Variants in GLRA3 observed in about 807,000 individuals in gnomAD.
The protein encoded by GLRA3 is glycine receptor subunit alpha-3.
Under a neutral mutation model 60.4 loss-of-function variants are expected in GLRA3, and 44 were observed. The observed-to-expected ratio is 0.73, with a 90% CI of 0.57 to 0.94. The LOEUF is 0.94. Among genes scored for constraint, GLRA3 ranks in the 40% least tolerant of loss-of-function variants. The pLI, the probability that GLRA3 is intolerant of heterozygous loss-of-function variation, is 0.00. For missense variants in GLRA3, 508 were observed against 564.6 expected (o/e 0.90, Z 1.02); for synonymous variants, 223 against 192.9 (o/e 1.16, Z -1.29).
chr4:174,659,116 C>A lies in GLRA3; in HGVS notation c.1009G>T (p.Val337Leu), dbSNP rs771794578. The stretch of plus-strand genomic sequence containing the variant: ...TTGTGTTGTCTTGATACAAAATTTA[C>A]AGCTGCATACTCCAGAAGTGCTGAA... ...VFSALLEYAA[V>L]NFVSRQHKEL... Residue 337 changes from valine to leucine, a missense_variant, in exon 8 of 10, where the codon GTA becomes TTA. Physicochemically the swap from Val to Leu is conservative, Grantham distance 32. Around this residue, in one of 3 missense-constraint regions of GLRA3, gnomAD observed 176 missense variants for 197.9 expected, o/e 0.89. Transcript: ENST00000274093. 6.2e-7 allele frequency: 1 copy of A among 1,612,222 alleles called. No individual in the cohort carries two copies. The highest frequency in any genetic ancestry group is 8.5e-7 in the Non-Finnish European group (1 of 1,178,510).
intron 1 of GLRA3, among the ~76,000 whole-genome samples, chr4:174,823,025 T>C (rs1740805617): frequency 6.6e-6 from 1 of 152,214 alleles, no homozygotes; most frequent in African/African-American, 2.4e-5. Flanking sequence ...TGTGTGTTGT[T>C]GCCATGCAGT....
chr4:174,766,721 T>C lies in GLRA3; in HGVS notation c.267+242A>G, dbSNP rs182709699. Among the ~76,000 whole-genome samples, 3 of 152,170 alleles carry C rather than the reference T, an allele frequency of 2.0e-5. No individual in the cohort carries two copies. The East Asian group carries it at 5.8e-4, about 29-fold the overall frequency. ...TGACATTTTAGCTTTTAATTTGAAG[T>C]TTAATATTAGATTGTTGAATGGAGA... On this transcript the variant is annotated intron_variant, in intron 3 of 9. Coordinates refer to ENST00000274093, the MANE Select transcript of GLRA3 (RefSeq NM_006529.4).
At chr4:174,731,262 A>C (rs1355272260) in intron 3 of GLRA3, among the ~76,000 whole-genome samples, 1 of 152,228 alleles carries the variant, frequency 6.6e-6, no homozygotes, top group Non-Finnish European at 1.5e-5. Context: ...TAGCCACAGT[A>C]TCCCATTATA....
chr4:174,795,628 G>A (rs902189511), intron 1 of GLRA3, among the ~76,000 whole-genome samples: 1 of 152,110 alleles, frequency 6.6e-6, no homozygotes, highest in African/African-American at 2.4e-5. Context: ...TATTTATTAT[G>A]TAAAAGTATC....
intron 5 of GLRA3, among the ~76,000 whole-genome samples, chr4:174,686,200 A>G (rs1344777843): frequency 6.6e-6 from 1 of 152,234 alleles, no homozygotes; most frequent in Non-Finnish European, 1.5e-5. Context: ...CTGGTTGTTA[A>G]TGATAACAAC....
At chr4:174,706,187 G>A (rs1414834872) in intron 5 of GLRA3, among the ~76,000 whole-genome samples, 7 of 151,598 alleles carry the variant, frequency 4.6e-5, no homozygotes, top group Non-Finnish European at 8.8e-5. Flanking sequence ...CCGAGTTCAC[G>A]CCACTGCACT....
chr4:174,646,156 A>C (rs1292868464), intron 9 of GLRA3, among the ~76,000 whole-genome samples: 2 of 152,354 alleles, frequency 1.3e-5, no homozygotes, highest in Middle Eastern at 3.4e-3. Context: ...ATTCATTATC[A>C]AAATGCTCAG....
chr4:174,806,804 G>C (rs1224080526), intron 1 of GLRA3, among the ~76,000 whole-genome samples: 2 of 151,850 alleles, frequency 1.3e-5, no homozygotes, highest in Admixed American at 6.6e-5. Context: ...ATATGTATCT[G>C]TATATATTTC....
At chr4:174,655,718 G>A (rs2110877310) in intron 9 of GLRA3, among the ~76,000 whole-genome samples, 1 of 152,134 alleles carries the variant, frequency 6.6e-6, no homozygotes, top group Non-Finnish European at 1.5e-5. Context: ...AAAGCAAGTG[G>A]ATCATGTGAA....
At chr4:174,751,460 C>T (rs569266379) in intron 3 of GLRA3, among the ~76,000 whole-genome samples, 114 of 152,090 alleles carry the variant, frequency 7.5e-4, no homozygotes, top group Middle Eastern at 3.4e-3. Flanking sequence ...AATTAGTACA[C>T]GTGTTTGTGT....
At chr4:174,786,055 C>T (rs945876919) in intron 2 of GLRA3, among the ~76,000 whole-genome samples, 7 of 150,454 alleles carry the variant, frequency 4.7e-5, no homozygotes, top group Admixed American at 4.0e-4. Flanking sequence ...AGGCATGAGA[C>T]CCATTCTTCT....
At chr4:174,767,085 C>T (rs1272565207) in intron 2 of GLRA3, 55 bp from the exon 3 acceptor site, 6 of 857,864 alleles carry the variant, frequency 7.0e-6, no homozygotes, top group Non-Finnish European at 1.2e-5. Flanking sequence ...AAAACATTTT[C>T]AAATAATTCC....
At chr4:174,706,216 C>A (rs914833492) in intron 5 of GLRA3, among the ~76,000 whole-genome samples, 2 of 148,344 alleles carry the variant, frequency 1.3e-5, no homozygotes, top group East Asian at 2.0e-4. Context: ...GGCGAAAGGG[C>A]GAGACTCCGT....
At chr4:174,797,634 AATAAG>A (rs1440378240) in intron 1 of GLRA3, among the ~76,000 whole-genome samples, 8 of 152,274 alleles carry the variant, frequency 5.3e-5, no homozygotes, top group African/African-American at 1.9e-4. Flanking sequence ...AATAATATCC[AATAAG>A]ATAAGAGAGT....
chr4:174,765,479 G>A (rs1230350830), intron 3 of GLRA3, among the ~76,000 whole-genome samples: 1 of 151,978 alleles, frequency 6.6e-6, no homozygotes, highest in East Asian at 1.9e-4. Context: ...ATATTTCCAG[G>A]TTTTTAGGAT....
chr4:174,649,426 G>A (rs1732951278), intron 9 of GLRA3, among the ~76,000 whole-genome samples: 1 of 152,178 alleles, frequency 6.6e-6, no homozygotes, highest in Non-Finnish European at 1.5e-5. Context: ...CATAAATGAA[G>A]GATCTTGGCA....
In GLRA3 at chr4:174,790,390, T is replaced by TA. The variant is rs369596370; in HGVS notation, c.72-1448dup. The stretch of plus-strand genomic sequence containing the variant: ...CATTATAATAATAAATATATTTTTT[T>TA]AAAAAAACCTATCTTCTCAATGACT... On this transcript the variant is annotated intron_variant, in intron 1 of 9. Coordinates refer to ENST00000274093, the MANE Select transcript of GLRA3 (RefSeq NM_006529.4). Among the ~76,000 whole-genome samples, 1,086 of 151,794 alleles carry TA rather than the reference T, an allele frequency of 7.2e-3. 14 individuals are homozygous for TA. The highest frequency in any genetic ancestry group is 0.022 in the African/African-American group (920 of 41,434).
At chr4:174,822,470 C>A (rs997790896) in intron 1 of GLRA3, among the ~76,000 whole-genome samples, 2 of 152,096 alleles carry the variant, frequency 1.3e-5, no homozygotes, top group Non-Finnish European at 2.9e-5. Context: ...AAACAGAGGA[C>A]ATTTTATTTT....
intron 3 of GLRA3, among the ~76,000 whole-genome samples, chr4:174,761,112 G>A (rs564084954): frequency 3.3e-5 from 5 of 152,078 alleles, no homozygotes; most frequent in Middle Eastern, 3.4e-3. Flanking sequence ...TCTTAAGATG[G>A]TGATAGTTTT....
Sources: gnomAD v4.1 joint callset for allele counts (sites outside exome capture counted in the v4.1 genomes callset) on GRCh38, gnomAD v4.1.1 for gene constraint, gnomAD v4.1.1 regional missense constraint, MANE v1.5 for transcripts, NCBI Gene and HGNC (gene_info 2026-07-23, HGNC 2026-07-21) for gene names.